SBF2: variants seen among roughly 807,000 people sequenced by gnomAD.
SBF2 encodes myotubularin-related protein 13.
A neutral mutation model predicts 225.2 loss-of-function variants in SBF2; 112 were observed. The observed-to-expected ratio is 0.50, with a 90% CI of 0.43 to 0.58. The LOEUF (loss-of-function observed/expected upper bound fraction) is 0.58, where lower values mean the gene tolerates loss of function less well. Among genes scored for constraint, SBF2 ranks in the 20% least tolerant of loss-of-function variants. The probability of loss-of-function intolerance (pLI) is 0.00; values close to 1 mark genes in which losing one functional copy is unlikely to be tolerated. For synonymous variants in SBF2, 763 were observed against 773.3 expected, an observed-to-expected ratio of 0.99 and a Z score of 0.22; for missense variants, 1,996 against 2,206.2, an observed-to-expected ratio of 0.90 and a Z score of 1.91.
At chr11:9,972,973 A>C (rs561278654) in intron 13 of SBF2, among the ~76,000 whole-genome samples, 2 of 152,350 alleles carry the variant, frequency 1.3e-5, no homozygotes, top group East Asian at 3.9e-4. Flanking sequence ...GATTTTGTTA[A>C]ATTATGATAT....
chr11:9,957,151 T>C (rs1309171548), intron 16 of SBF2: 1 of 152,248 alleles, frequency 6.6e-6, no homozygotes, highest in Non-Finnish European at 1.5e-5. Context: ...TAAACCCATG[T>C]GGACAAGTAT....
intron 16 of SBF2, among the ~76,000 whole-genome samples, chr11:9,946,686 G>A (rs1865582357): frequency 6.6e-6 from 1 of 152,086 alleles, no homozygotes; most frequent in Non-Finnish European, 1.5e-5. Context: ...CGGACCTCAG[G>A]TAATCCGCCC....
intron 2 of SBF2, among the ~76,000 whole-genome samples, chr11:10,174,878 T>C (rs1591135943): frequency 6.6e-6 from 1 of 150,788 alleles, no homozygotes; most frequent in East Asian, 2.0e-4. Context: ...AAGAAAAGAA[T>C]TTTCAACCCA....
intron 16 of SBF2, among the ~76,000 whole-genome samples, chr11:9,938,490 G>A (rs1865045238): frequency 6.6e-6 from 1 of 150,656 alleles, no homozygotes; most frequent in Non-Finnish European, 1.5e-5. Flanking sequence ...AATCAATGTA[G>A]GATAATTTGC....
chr11:10,172,111 T>C (rs1201684833), intron 2 of SBF2, among the ~76,000 whole-genome samples: 1 of 152,130 alleles, frequency 6.6e-6, no homozygotes, highest in African/African-American at 2.4e-5. Flanking sequence ...ATCTTTTGTA[T>C]TGTTTTCTTA....
At chr11:9,847,518 CAAAAA>C (rs3072276) in intron 22 of SBF2, among the ~76,000 whole-genome samples, 2 of 137,356 alleles carry the variant, frequency 1.5e-5, no homozygotes, top group Non-Finnish European at 3.1e-5. Context: ...GGAGGTTTTA[CAAAAA>C]AAAAAAAAAT....
chr11:9,784,146 G>A (rs989377683), intron 38 of SBF2, among the ~76,000 whole-genome samples: 11 of 152,212 alleles, frequency 7.2e-5, no homozygotes, highest in African/African-American at 2.2e-4. Flanking sequence ...GTACCAGGCC[G>A]AGCTACTTGG....
At chr11:9,854,223 T>C (rs1857159583) in intron 19 of SBF2, among the ~76,000 whole-genome samples, 1 of 152,206 alleles carries the variant, frequency 6.6e-6, no homozygotes, top group African/African-American at 2.4e-5. Flanking sequence ...GACCAAACTG[T>C]CCCTTCTCTT....
chr11:10,071,084 T>C (rs116971612), intron 2 of SBF2, among the ~76,000 whole-genome samples: 2,174 of 152,210 alleles, frequency 0.014, 35 homozygotes, highest in South Asian at 0.03. Flanking sequence ...GTTTTCTAAA[T>C]ATACAATATT....
At chr11:10,266,899 G>A (rs1306252888) in intron 1 of SBF2, among the ~76,000 whole-genome samples, 1 of 152,124 alleles carries the variant, frequency 6.6e-6, no homozygotes, top group Non-Finnish European at 1.5e-5. Context: ...GACCAGCCTG[G>A]CCACCACAGT....
intron 29 of SBF2, among the ~76,000 whole-genome samples, chr11:9,814,699 A>G (rs1356424514): frequency 6.6e-6 from 1 of 152,214 alleles, no homozygotes; most frequent in Non-Finnish European, 1.5e-5. Flanking sequence ...GTTCCTTTCT[A>G]TTATTTTTAA....
At chr11:9,849,979 G>T in intron 22 of SBF2, 44 bp downstream of exon 22, 2 of 1,552,486 alleles carry the variant, frequency 1.3e-6, no homozygotes, top group Non-Finnish European at 1.8e-6. Flanking sequence ...GAGACCTCAT[G>T]TACCACACAG....
At chr11:10,260,660 G>A (rs1044346686) in intron 1 of SBF2, among the ~76,000 whole-genome samples, 4 of 144,822 alleles carry the variant, frequency 2.8e-5, no homozygotes, top group Admixed American at 7.2e-5. Context: ...CCGAGATTGC[G>A]CCACTGCACT....
At chr11:10,063,299 C>T (rs1590868340) in intron 2 of SBF2, among the ~76,000 whole-genome samples, 1 of 151,186 alleles carries the variant, frequency 6.6e-6, no homozygotes, top group African/African-American at 2.4e-5. Flanking sequence ...CAAACCTTCA[C>T]ATGTACCCTC....
At chr11:10,094,692 C>T (rs924856435) in intron 2 of SBF2, among the ~76,000 whole-genome samples, 6 of 151,604 alleles carry the variant, frequency 4.0e-5, no homozygotes, top group African/African-American at 1.2e-4. Context: ...TTAGTAGAGA[C>T]GGGGTTTCAC....
At chr11:10,046,622 T>C (rs1034081587) in intron 2 of SBF2, among the ~76,000 whole-genome samples, 15 of 151,196 alleles carry the variant, frequency 9.9e-5, no homozygotes, top group Non-Finnish European at 2.1e-4. Context: ...CTCAACTTGA[T>C]AAAGAATATC....
intron 1 of SBF2, among the ~76,000 whole-genome samples, chr11:10,257,175 A>G (rs1960932863): frequency 1.3e-5 from 2 of 152,186 alleles, no homozygotes; most frequent in African/African-American, 4.8e-5. Flanking sequence ...CTGTGATGCC[A>G]AAGTTCATGT....
chr11:9,782,944 A>C (rs1366658182), intron 38 of SBF2: 2 of 152,096 alleles, frequency 1.3e-5, no homozygotes, highest in Non-Finnish European at 2.9e-5. Flanking sequence ...ATTGGGCCAT[A>C]ATCTGTGGAT....
intron 1 of SBF2, among the ~76,000 whole-genome samples, chr11:10,225,409 TA>T (rs1318859558): frequency 2.2e-4 from 33 of 146,892 alleles, no homozygotes; most frequent in Admixed American, 5.5e-4. Context: ...AATTTCCTAT[TA>T]AAAAAAAAAA....
Sources: allele counts gnomAD v4.1 joint callset (sites outside exome capture counted in the v4.1 genomes callset), GRCh38; gene constraint gnomAD v4.1.1; transcripts MANE v1.5; gene names NCBI Gene and HGNC (gene_info 2026-07-23, HGNC 2026-07-21).